The following SLC7A1 variants were observed in gnomAD, a reference collection of about 807,000 sequenced individuals.
The protein encoded by SLC7A1 is high affinity cationic amino acid transporter 1.
In SLC7A1, 10 loss-of-function variants were observed where a neutral mutation model predicts 53.9. The observed-to-expected ratio is 0.19, with a 90% CI of 0.11 to 0.31. The LOEUF is 0.31. SLC7A1 is among the 10% of genes least tolerant of loss of function. The pLI is 1.00. For missense variants in SLC7A1, 525 were observed against 827.2 expected (o/e 0.63, Z 4.48); for synonymous variants, 342 against 338.7 (o/e 1.01, Z -0.11).
chr13:29,517,943 G>A (rs574611141), intron 9 of SLC7A1, among the ~76,000 whole-genome samples, 153 bp from the exon 10 acceptor site: 4 of 152,322 alleles, frequency 2.6e-5, no homozygotes, highest in East Asian at 1.9e-4. Flanking sequence ...GTAGATAGAC[G>A]AGGAGAGACC....
At chr13:29,552,789 G>A (rs1327104311) in intron 2 of SLC7A1, among the ~76,000 whole-genome samples, 1 of 151,972 alleles carries the variant, frequency 6.6e-6, no homozygotes, top group Non-Finnish European at 1.5e-5. Flanking sequence ...ATCTCTGTTC[G>A]AGGCTCTCAG....
intron 1 of SLC7A1, among the ~76,000 whole-genome samples, chr13:29,594,844 G>A (rs1420997724): frequency 6.6e-6 from 1 of 152,178 alleles, no homozygotes; most frequent in African/African-American, 2.4e-5. Context: ...GCCACCGGGC[G>A]GGGATGGCAG....
intron 2 of SLC7A1, among the ~76,000 whole-genome samples, chr13:29,538,582 C>T (rs769821884): frequency 9.9e-5 from 15 of 152,208 alleles, no homozygotes; most frequent in Admixed American, 2.6e-4. Context: ...AACCAAGGAC[C>T]TAGTGCTGCT....
intron 1 of SLC7A1, among the ~76,000 whole-genome samples, chr13:29,581,821 TTC>T (rs1451285881): frequency 3.9e-5 from 6 of 152,236 alleles, no homozygotes; most frequent in African/African-American, 1.4e-4. Context: ...CAACCTCTCC[TTC>T]GCCCATTTCA....
rs1868417425 is a variant in SLC7A1 at position 29,517,704 on chromosome 13, C to T, written c.1379G>A (p.Ser460Asn). The change falls in exon 10 of 13, where the codon AGC becomes AAC. Residue 460 changes from serine (S) to asparagine (N), a missense_variant. By Grantham distance (46) the Ser-to-Asn change is conservative (BLOSUM62 1). This residue lies in a region of SLC7A1 where 122 missense variants were observed against 140.9 expected (regional missense o/e 0.87). Transcript: ENST00000380752. ...LDPADQNELA[S>N]TNDSQLGFLP... is the part of the protein sequence containing the mutation. ...AAAGCCCAGCTGGGAATCATTGGTG[C>T]TTGCCAATTCATTTTGGTCTGCTGG... The T allele has an allele frequency of 1.9e-6, 3 of 1,614,048 alleles. No individual in the cohort carries two copies. The highest frequency in any genetic ancestry group is 1.1e-5 in the South Asian group (1 of 91,090).
chr13:29,512,874 G>T lies in SLC7A1; in HGVS notation c.*1606C>A, dbSNP rs1426465234. On this transcript the variant is annotated 3_prime_UTR_variant, in exon 13 of 13. Coordinates refer to ENST00000380752, the MANE Select transcript of SLC7A1 (RefSeq NM_003045.5). ...TCCAAGAACCTTCTGGGGGCACAGG[G>T]AGGGTACAAGTGCCCTCAATTTATC... is the stretch of plus-strand genomic sequence containing the variant. The T allele has an allele frequency of 6.6e-6, 1 of 152,290 alleles. No individual in the cohort carries two copies. Among genetic ancestry groups the T allele is most frequent in the Non-Finnish European group, 1.5e-5 (1 of 68,066 alleles). The allele number at this position is 152,290 out of a possible 1,614,324, so 9.4% of individuals were successfully genotyped here. A position where few individuals can be genotyped will look rare whatever the true frequency, so the allele number is the denominator to read the frequency against.
intron 1 of SLC7A1, among the ~76,000 whole-genome samples, chr13:29,555,516 T>C (rs558570341): frequency 6.6e-6 from 1 of 151,958 alleles, no homozygotes; most frequent in Admixed American, 6.5e-5. Flanking sequence ...TGATGCTCTA[T>C]CATGTACCAT....
chr13:29,564,845 T>A (rs936536663), intron 1 of SLC7A1, among the ~76,000 whole-genome samples: 1 of 152,234 alleles, frequency 6.6e-6, no homozygotes, highest in Non-Finnish European at 1.5e-5. Flanking sequence ...ATTAAGCACT[T>A]TTCAAAAGAA....
At position 29,517,881 on chromosome 13, in the gene SLC7A1, C is replaced by A. The variant is rs917032245; in HGVS notation, c.1293-91G>T. The stretch of plus-strand genomic sequence containing the variant: ...GTTCTCAATAAGCCTCCAAAGTGAG[C>A]TGCCCGGGACACAAGGTATAAAATG... On this transcript the variant is annotated intron_variant, in intron 9 of 12. Transcript: ENST00000380752. 5 of 924,846 alleles carry A rather than the reference C, an allele frequency of 5.4e-6. No individual in the cohort carries two copies. The African/African-American group carries it at 8.1e-5, about 15-fold the overall frequency. The allele number at this position is 924,846 out of a possible 1,614,324, so 57.3% of individuals were successfully genotyped here.
intron 9 of SLC7A1, 64 bp from the exon 10 acceptor site, chr13:29,517,854 A>C (rs1566252510): frequency 7.5e-7 from 1 of 1,337,000 alleles, no homozygotes; most frequent in Non-Finnish European, 1.1e-6. Context: ...GCACCAACTC[A>C]AGTTCTCAAT....
intron 1 of SLC7A1, among the ~76,000 whole-genome samples, chr13:29,579,693 C>G (rs1285044922): frequency 6.6e-6 from 1 of 152,142 alleles, no homozygotes; most frequent in Admixed American, 6.5e-5. Context: ...TCCACGACTG[C>G]TCACTCTTTC....
chr13:29,571,774 T>C (rs1340269384), intron 1 of SLC7A1, among the ~76,000 whole-genome samples: 1 of 152,182 alleles, frequency 6.6e-6, no homozygotes, highest in Non-Finnish European at 1.5e-5. Context: ...CAAAGCCCAG[T>C]TATTTGTTTT....
At chr13:29,520,816 C>T (rs1190637982) in intron 8 of SLC7A1, among the ~76,000 whole-genome samples, 1 of 152,196 alleles carries the variant, frequency 6.6e-6, no homozygotes, top group Non-Finnish European at 1.5e-5. Context: ...CAGAACAGCG[C>T]CCAACTGTGC....
chr13:29,536,561 T>C (rs1869431041), intron 2 of SLC7A1, among the ~76,000 whole-genome samples: 1 of 152,132 alleles, frequency 6.6e-6, no homozygotes, highest in African/African-American at 2.4e-5. Flanking sequence ...CATCAGATAA[T>C]ACACCAGGAA....
chr13:29,593,763 C>G (rs914342885), intron 1 of SLC7A1, among the ~76,000 whole-genome samples: 1 of 146,894 alleles, frequency 6.8e-6, no homozygotes, highest in Non-Finnish European at 1.5e-5. Context: ...TCAAGCCTTT[C>G]TTTTTTTTTT....
At position 29,525,614 on chromosome 13, in the gene SLC7A1, G is replaced by A. The variant is rs757417042; in HGVS notation, c.705-1361C>T. Among the ~76,000 whole-genome samples, 61 of 152,288 alleles carry A rather than the reference G, an allele frequency of 4.0e-4. No individual in the cohort carries two copies. The Middle Eastern group carries it at 0.01, about 25-fold the overall frequency. ...GATTAAGCCTTACTAATTCCTAGAG[G>A]ATCATCACAGCTCTCAGTTACAGAA... is the stretch of plus-strand genomic sequence containing the variant. On this transcript the variant is annotated intron_variant, in intron 5 of 12. Transcript: ENST00000380752.
At chr13:29,517,405 G>A in intron 10 of SLC7A1, 95 bp from the exon 11 acceptor site, 1 of 1,374,438 alleles carries the variant, frequency 7.3e-7, no homozygotes, top group Non-Finnish European at 1.0e-6. Flanking sequence ...TGGAGAGAGA[G>A]GCTCCATTTC....
At chr13:29,592,474 A>C (rs1872151611) in intron 1 of SLC7A1, among the ~76,000 whole-genome samples, 1 of 152,230 alleles carries the variant, frequency 6.6e-6, no homozygotes, top group Admixed American at 6.5e-5. Flanking sequence ...GCCTTGGGAG[A>C]AAAAGGAACA....
At chr13:29,540,255 T>C (rs965225170) in intron 2 of SLC7A1, among the ~76,000 whole-genome samples, 1 of 152,188 alleles carries the variant, frequency 6.6e-6, no homozygotes, top group Admixed American at 6.5e-5. Context: ...GAGGAATTTA[T>C]ACAACAGTTG....
Sources: gnomAD v4.1 joint callset for allele counts (sites outside exome capture counted in the v4.1 genomes callset) on GRCh38, gnomAD v4.1.1 for gene constraint, gnomAD v4.1.1 regional missense constraint, MANE v1.5 for transcripts, NCBI Gene and HGNC (gene_info 2026-07-23, HGNC 2026-07-21) for gene names.